Variants in DGKI observed in about 807,000 individuals in gnomAD.
The protein encoded by DGKI is diacylglycerol kinase iota.
Under a neutral mutation model 147.5 loss-of-function variants are expected in DGKI, and 55 were observed. The ratio of observed to expected loss-of-function variants is 0.37; its 90% CI spans 0.30 to 0.47. The LOEUF (loss-of-function observed/expected upper bound fraction) is 0.47. Ranked by LOEUF, DGKI falls within the 20% of genes least tolerant of loss-of-function variation. The pLI, the probability that DGKI is intolerant of heterozygous loss-of-function variation, is 1.00. For missense variants in DGKI, 1,007 were observed against 1,323.8 expected, an observed-to-expected ratio of 0.76 and a Z score of 3.71; for synonymous variants, 469 against 477.1, an observed-to-expected ratio of 0.98 and a Z score of 0.22.
chr7:137,508,697 G>A (rs916180576), intron 21 of DGKI, among the ~76,000 whole-genome samples: 4 of 152,094 alleles, frequency 2.6e-5, no homozygotes, highest in Admixed American at 2.0e-4. Flanking sequence ...GGAGCTAGAA[G>A]TCATTTTTTG....
In DGKI at chr7:137,590,478, A is replaced by G. The variant is rs1366530187; in HGVS notation, c.1312-3268T>C. ...ACAATTCAATATTACTAGAAACCAA[A>G]GGGATTCAGAGATAGAAAAGTAAAA... On this transcript the variant is annotated intron_variant, in intron 12 of 32. Coordinates refer to ENST00000614521, the MANE Select transcript of DGKI (RefSeq NM_001321708.2). Among the ~76,000 whole-genome samples the G allele has an allele frequency of 2.6e-5, 4 of 152,348 alleles. No individual in the cohort carries two copies. In the East Asian group the frequency reaches 7.7e-4, roughly 29 times the overall value.
At chr7:137,686,139 C>G (rs1366889810) in intron 2 of DGKI, among the ~76,000 whole-genome samples, 6 of 152,142 alleles carry the variant, frequency 3.9e-5, no homozygotes, top group Admixed American at 2.0e-4. Context: ...AAACAAAAAG[C>G]ACTAATTTGG....
intron 6 of DGKI, among the ~76,000 whole-genome samples, chr7:137,641,232 G>C (rs893034345): frequency 6.6e-6 from 1 of 152,112 alleles, no homozygotes; most frequent in Non-Finnish European, 1.5e-5. Flanking sequence ...CCAGCCACGT[G>C]GAACTGTAAA....
Position 137,738,735 on chromosome 7 carries a change from C to G in DGKI, c.402-48733G>C, listed in dbSNP as rs201529266. 6.9e-5 allele frequency among the ~76,000 whole-genome samples: 8 copies of G among 115,880 alleles called. No individual in the cohort carries two copies. In the East Asian group the frequency reaches 1.2e-3, roughly 17 times the overall value. The allele number at this position is 115,880 out of a possible 152,430, so 76.0% of individuals were successfully genotyped here. A position where few individuals can be genotyped will look rare whatever the true frequency, so the allele number is the denominator to read the frequency against. ...AGAGAAGATGAGGTTCCCCCCCCCC[C>G]TTTCCTTTTCATATCCGATTTACTA... On this transcript the variant is annotated intron_variant, in intron 1 of 32. Coordinates refer to ENST00000614521, the MANE Select transcript of DGKI (RefSeq NM_001321708.2).
chr7:137,669,963 G>A (rs533267327), intron 3 of DGKI, among the ~76,000 whole-genome samples: 1 of 152,066 alleles, frequency 6.6e-6, no homozygotes, highest in African/African-American at 2.4e-5. Flanking sequence ...AAATGGCAAT[G>A]GGTGTTCTGT....
At chr7:137,463,378 G>T in intron 27 of DGKI, 111 bp downstream of exon 27, 1 of 1,459,720 alleles carries the variant, frequency 6.9e-7, no homozygotes, top group Non-Finnish European at 9.3e-7. Flanking sequence ...GCATGAGACA[G>T]CCTGAGCGCC....
intron 12 of DGKI, 74 bp downstream of exon 12, chr7:137,597,772 TA>T (rs546948724): frequency 7.2e-7 from 1 of 1,398,242 alleles, no homozygotes; most frequent in Non-Finnish European, 1.0e-6. Flanking sequence ...GAGCAACGAA[TA>T]AAAAGAAGTG....
intron 23 of DGKI, among the ~76,000 whole-genome samples, chr7:137,472,343 A>T (rs1814982422): frequency 5.1e-5 from 4 of 78,744 alleles, no homozygotes; most frequent in African/African-American, 2.3e-4. Context: ...ATATACATAT[A>T]ATTATTATAT....
intron 27 of DGKI, among the ~76,000 whole-genome samples, chr7:137,447,562 A>T (rs2128918980): frequency 6.6e-6 from 1 of 152,356 alleles, no homozygotes; most frequent in Middle Eastern, 3.4e-3. Context: ...GAATAGCAAT[A>T]GGCGTGTGAA....
intron 28 of DGKI, among the ~76,000 whole-genome samples, chr7:137,439,863 C>T (rs73459195): frequency 6.6e-6 from 1 of 152,154 alleles, no homozygotes; most frequent in African/African-American, 2.4e-5. Flanking sequence ...GGGATGCCTG[C>T]CTCAGATGTT....
chr7:137,555,129 T>C (rs1041612523), intron 19 of DGKI, among the ~76,000 whole-genome samples: 1 of 151,756 alleles, frequency 6.6e-6, no homozygotes, highest in Admixed American at 6.6e-5. Context: ...TTGGCCAGGA[T>C]GGTCTCAATC....
In DGKI at chr7:137,645,484, C is replaced by T; in HGVS notation, c.792G>A (p.Lys264=). 6.2e-7 allele frequency: 1 copy of T among 1,613,600 alleles called. No individual in the cohort carries two copies. Among genetic ancestry groups the T allele is most frequent in the Non-Finnish European group, 8.5e-7 (1 of 1,179,670 alleles). Residue 264 remains lysine, a synonymous_variant, in exon 6 of 33, where the codon AAG becomes AAA. Coordinates refer to ENST00000614521, the MANE Select transcript of DGKI (RefSeq NM_001321708.2). The part of the protein sequence containing the change: ...VHRRRQEGKC[K]QCGKGFQQKF... ...GCTGGGCTCTTACCTTACCACACTG[C>T]TTACATTTCCCCTCCTGCCGACGCC...
chr7:137,526,979 T>G (rs918405495), intron 20 of DGKI, among the ~76,000 whole-genome samples: 4 of 152,164 alleles, frequency 2.6e-5, no homozygotes, highest in African/African-American at 9.7e-5. Flanking sequence ...CGGACTCCAT[T>G]AACTCATTCT....
Position 137,697,171 on chromosome 7 carries a change from C to A in DGKI, c.402-7169G>T, listed in dbSNP as rs75694048. On this transcript the variant is annotated intron_variant, in intron 1 of 32. Transcript: ENST00000614521. ...TGTGTGGTACTTTGTTATGGCAACC[C>A]TAGCAAATACACATACTTCAAAACC... Among the ~76,000 whole-genome samples the A allele has an allele frequency of 6.2e-3, 937 of 152,238 alleles. 12 individuals carry two copies. Among genetic ancestry groups the A allele is most frequent in the African/African-American group, 0.021 (890 of 41,536 alleles).
At chr7:137,818,906 C>T (rs921372797) in intron 1 of DGKI, among the ~76,000 whole-genome samples, 4 of 152,160 alleles carry the variant, frequency 2.6e-5, no homozygotes, top group African/African-American at 4.8e-5. Flanking sequence ...TTAGAAATAA[C>T]GTTAAACTTT....
chr7:137,837,575 G>T (rs374044008), intron 1 of DGKI, among the ~76,000 whole-genome samples: 17 of 152,300 alleles, frequency 1.1e-4, no homozygotes, highest in East Asian at 3.9e-4. Context: ...CAGTCACAAG[G>T]GTGGGGCGCT....
At chr7:137,789,790 G>T (rs937520000) in intron 1 of DGKI, among the ~76,000 whole-genome samples, 7 of 152,090 alleles carry the variant, frequency 4.6e-5, no homozygotes, top group African/African-American at 1.7e-4. Context: ...TTATTCTAAG[G>T]AGTTATTTCA....
intron 22 of DGKI, among the ~76,000 whole-genome samples, 185 bp downstream of exon 22, chr7:137,487,425 C>T (rs1021389400): frequency 2.6e-5 from 4 of 152,152 alleles, no homozygotes; most frequent in Admixed American, 2.6e-4. Flanking sequence ...CCATTTCAAC[C>T]ATCTGAGGAG....
At chr7:137,498,117 A>G (rs1172295257) in intron 21 of DGKI, among the ~76,000 whole-genome samples, 1 of 152,008 alleles carries the variant, frequency 6.6e-6, no homozygotes, top group African/African-American at 2.4e-5. Flanking sequence ...GAAAACAAAG[A>G]GGAACCTCAT....
Sources: gnomAD v4.1 joint callset for allele counts (sites outside exome capture counted in the v4.1 genomes callset) on GRCh38, gnomAD v4.1.1 for gene constraint, MANE v1.5 for transcripts, NCBI Gene and HGNC (gene_info 2026-07-23, HGNC 2026-07-21) for gene names.